LIMS2: variants seen among roughly 807,000 people sequenced by gnomAD.
LIMS2 encodes the protein LIM and senescent cell antigen-like-containing domain protein 2.
In LIMS2, 30 loss-of-function variants were observed where a neutral mutation model predicts 45.3. That is an observed-to-expected ratio of 0.66 (90% CI 0.50 to 0.90). LIMS2 has a LOEUF of 0.90. LIMS2 is among the 40% of genes least tolerant of loss of function. The pLI is 0.00. For synonymous variants in LIMS2, 173 were observed against 188.0 expected (o/e 0.92, Z 0.65); for missense variants, 485 against 468.7 (o/e 1.03, Z -0.32).
At chr2:127,649,159 G>GGAAGGAAGGAAGGAAA (rs1558878241) in intron 4 of LIMS2, among the ~76,000 whole-genome samples, 38 of 120,818 alleles carry the variant, frequency 3.1e-4, no homozygotes, top group Non-Finnish European at 4.6e-4. Flanking sequence ...GAGAGAGAGA[G>GGAAGGAAGGAAGGAAA]GAAGGTAGGA....
Position 127,640,290 on chromosome 2 carries a change from C to A in LIMS2, c.782G>T (p.Ser261Ile), listed in dbSNP as rs1044942401. Residue 261 changes from serine (S) to isoleucine (I), a missense_variant, in exon 8 of 10, where the codon AGC becomes ATC. Transcript: ENST00000355119. ...QLFGDVCYNC[S>I]HVIEGDVVSA... is the part of the protein sequence containing the mutation. ...CTCACCATCGCCTTCAATCACATGG[C>A]TGCAGTTGTAGCAGACGTCCCCGAA... 6.2e-7 allele frequency: 1 copy of A among 1,613,238 alleles called. No homozygotes were observed. Among genetic ancestry groups the A allele is most frequent in the African/African-American group, 1.3e-5 (1 of 75,036 alleles).
At chr2:127,681,186 C>T (rs1685605224) in intron 1 of LIMS2, 1 of 152,352 alleles carries the variant, frequency 6.6e-6, no homozygotes, top group South Asian at 2.1e-4. Context: ...GGCAGCCCCT[C>T]CAGGGCTGTT....
intron 4 of LIMS2, 52 bp downstream of exon 4, chr2:127,654,372 T>A: frequency 6.2e-7 from 1 of 1,611,682 alleles, no homozygotes; most frequent in Non-Finnish European, 8.5e-7. Context: ...GTGGCAGGTG[T>A]GCCAGGAAGG....
At chr2:127,677,551 G>A (rs1169228009), upstream of LIMS2, among the ~76,000 whole-genome samples, 2 of 152,118 alleles carry the variant, frequency 1.3e-5, no homozygotes, top group Admixed American at 6.5e-5. This position sits in a 1 kb window ranked among gnomAD's most constrained non-coding sequence, Gnocchi z 5.0. Flanking sequence ...ATGAGCTTGG[G>A]GTACGCAAGG....
intron 2 of LIMS2, 134 bp from the exon 3 acceptor site, chr2:127,655,030 G>T (rs776091215): frequency 4.8e-6 from 4 of 830,892 alleles, no homozygotes; most frequent in Non-Finnish European, 8.2e-6. Flanking sequence ...TGAGGCTGGA[G>T]CAGTGGGTCC....
intron 1 of LIMS2, among the ~76,000 whole-genome samples, chr2:127,658,682 C>T (rs1042437514): frequency 3.9e-5 from 6 of 152,296 alleles, no homozygotes; most frequent in South Asian, 2.1e-4. Flanking sequence ...TTCAAAGAAC[C>T]GGATACCCCA....
chr2:127,651,904 C>T lies in LIMS2; in HGVS notation c.359+2520G>A, dbSNP rs1397399063. 6.7e-6 allele frequency: 5 copies of T among 742,384 alleles called. No individual in the cohort carries two copies. In the Admixed American group the frequency reaches 1.4e-4, roughly 21 times the overall value. 46.0% of individuals were successfully genotyped at this position (742,384 alleles called of 1,614,324 possible). On this transcript the variant is annotated intron_variant, in intron 4 of 9. Coordinates refer to ENST00000355119, the MANE Select transcript of LIMS2 (RefSeq NM_001161403.3). The stretch of plus-strand genomic sequence containing the variant: ...ATTTCTCTAGATCGCCTAGTCTCAA[C>T]CCATAAAAAGGAAGAACTGACAAAG...
At chr2:127,665,054 A>G (rs1392260054) in intron 1 of LIMS2, among the ~76,000 whole-genome samples, 15 of 152,166 alleles carry the variant, frequency 9.9e-5, no homozygotes, top group African/African-American at 2.7e-4. Flanking sequence ...ACGCAGAGGG[A>G]CCTGGTGGCA....
chr2:127,648,028 A>G (rs149228625), intron 4 of LIMS2: 2 of 985,564 alleles, frequency 2.0e-6, no homozygotes, highest in East Asian at 1.1e-4. Flanking sequence ...TCTCCCAAGC[A>G]TCACTCACCC....
chr2:127,654,592 C>T (rs766884812), intron 3 of LIMS2, 48 bp from the exon 4 acceptor site: 1 of 1,612,564 alleles, frequency 6.2e-7, no homozygotes, highest in Non-Finnish European at 8.5e-7. Flanking sequence ...TGCCTGTCCC[C>T]TCTTCGGACC....
upstream of LIMS2, among the ~76,000 whole-genome samples, chr2:127,677,903 G>A (rs77257616): frequency 1.9e-3 from 282 of 152,338 alleles, 2 homozygotes; most frequent in African/African-American, 6.5e-3. This position sits in a 1 kb window ranked among gnomAD's most constrained non-coding sequence, Gnocchi z 5.0. Flanking sequence ...GGTTGACTAG[G>A]AAGGAATGTG....
Position 127,664,384 on chromosome 2 carries a change from G to A in LIMS2, c.12-6822C>T, listed in dbSNP as rs1684880113. 7 of 1,208,788 alleles carry A rather than the reference G, an allele frequency of 5.8e-6. No individual in the cohort carries two copies. Among genetic ancestry groups the A allele is most frequent in the Admixed American group, 4.4e-5 (1 of 22,778 alleles). The allele number at this position is 1,208,788 out of a possible 1,614,324, so 74.9% of individuals were successfully genotyped here. A position where few individuals can be genotyped will look rare whatever the true frequency, so the allele number is the denominator to read the frequency against. ...CGCGGCCAGCGCACCCAGCCGGGCC[G>A]CCATGGCGCGGGGCAGCCGCCTTGA... On this transcript the variant is annotated intron_variant, in intron 1 of 9. Transcript: ENST00000355119. This position sits in a 1 kb window ranked among gnomAD's most constrained non-coding sequence, Gnocchi z 5.5.
In LIMS2 at chr2:127,641,338, G is replaced by A. The variant is rs1573751593; in HGVS notation, c.661-350C>T. 1.2e-5 allele frequency: 3 copies of A among 249,680 alleles called. No individual in the cohort carries two copies. The East Asian group carries it at 2.8e-4, about 24-fold the overall frequency. The allele number at this position is 249,680 out of a possible 1,614,324, so 15.5% of individuals were successfully genotyped here. ...CCCAGGAGTCAGGTGCCAGCCTGGT[G>A]CTGCGGCATGGTGGGCCCTCATAGG... On this transcript the variant is annotated intron_variant, in intron 6 of 9. Transcript: ENST00000355119.
At chr2:127,650,930 G>C in intron 4 of LIMS2, 3 of 1,613,982 alleles carry the variant, frequency 1.9e-6, no homozygotes, top group Non-Finnish European at 8.5e-7. Flanking sequence ...CCGGGACCCC[G>C]GCCAACGTGT....
At chr2:127,662,953 C>G (rs939607975) in intron 1 of LIMS2, among the ~76,000 whole-genome samples, 2 of 152,154 alleles carry the variant, frequency 1.3e-5, no homozygotes, top group Non-Finnish European at 2.9e-5. Context: ...AGTGGCTTTT[C>G]TTTTAAGCAG....
chr2:127,639,256 G>A lies in LIMS2; in HGVS notation c.*25C>T, dbSNP rs201050671. ...CAGGAGGGGAGAAGGCGGAGGGGCC[G>A]AGAGGCAGCTGCGCAAGAGGGCCTT... On this transcript the variant is annotated 3_prime_UTR_variant, in exon 10 of 10. Transcript: ENST00000355119. The A allele has an allele frequency of 1.3e-3, 2,158 of 1,610,588 alleles. 35 individuals carry two copies. In the South Asian group the frequency reaches 0.019, roughly 14 times the overall value.
chr2:127,640,503 G>A (rs969322996), intron 7 of LIMS2, 185 bp from the exon 8 acceptor site: 6 of 653,142 alleles, frequency 9.2e-6, no homozygotes, highest in Non-Finnish European at 1.3e-5. Flanking sequence ...CTTCCGGGAA[G>A]GACAACAGGC....
chr2:127,657,453 A>C lies in LIMS2; in HGVS notation c.121T>G (p.Phe41Val). Residue 41 changes from phenylalanine (F) to valine (V), a missense_variant, in exon 2 of 10, where the codon TTC becomes GTC. Phe to Val is a conservative substitution (Grantham distance 50). Transcript: ENST00000355119. ...GGCCGGAAGCACTGGGCACACACGA[A>C]GCAGTGCTCATGGTACAGCTCCCCA... ...SNGELYHEHCFVCAQCFRPFP... is the reference protein window; with the variant it reads ...SNGELYHEHCVVCAQCFRPFP... The C allele has an allele frequency of 6.2e-7, 1 of 1,613,860 alleles. No individual in the cohort carries two copies. Among genetic ancestry groups the C allele is most frequent in the South Asian group, 1.1e-5 (1 of 91,090 alleles).
chr2:127,641,293 T>C, intron 6 of LIMS2: 8 of 268,238 alleles, frequency 3.0e-5, no homozygotes, highest in East Asian at 8.0e-5. Context: ...CAGTCTGGCC[T>C]CCCCCTCGGC....
Sources: allele counts gnomAD v4.1 joint callset (sites outside exome capture counted in the v4.1 genomes callset), GRCh38; gene constraint gnomAD v4.1.1; non-coding constraint Gnocchi (gnomAD v3.1); transcripts MANE v1.5; gene names NCBI Gene and HGNC (gene_info 2026-07-23, HGNC 2026-07-21).